The following ADAMTS20 variants were observed in gnomAD, a reference collection of about 807,000 sequenced individuals.
The protein encoded by ADAMTS20 is ADAM metallopeptidase with thrombospondin type 1 motif 20.
In ADAMTS20, 225 loss-of-function variants were observed where a neutral mutation model predicts 260.1. That is an observed-to-expected ratio of 0.87 (90% CI 0.78 to 0.97). The LOEUF (loss-of-function observed/expected upper bound fraction) is 0.97. Among genes scored for constraint, ADAMTS20 ranks in the 50% least tolerant of loss-of-function variants. The probability of loss-of-function intolerance (pLI) is 0.00; values close to 1 mark genes in which losing one functional copy is unlikely to be tolerated. For missense variants in ADAMTS20, 2,400 were observed against 2,337.7 expected, an observed-to-expected ratio of 1.03 and a Z score of -0.55; for synonymous variants, 802 against 769.5, an observed-to-expected ratio of 1.04 and a Z score of -0.70.
intron 16 of ADAMTS20, among the ~76,000 whole-genome samples, chr12:43,443,401 C>T (rs114033534): frequency 0.013 from 2,020 of 152,002 alleles, 50 homozygotes; most frequent in African/African-American, 0.047. Flanking sequence ...TATTTAAATA[C>T]TTTAGCTACA....
Position 43,453,789 on chromosome 12 carries a change from T to G in ADAMTS20, c.1760+118A>C. 2.6e-6 allele frequency: 3 copies of G among 1,149,350 alleles called. No homozygotes were observed. In the South Asian group the frequency reaches 4.8e-5, roughly 19 times the overall value. The allele number at this position is 1,149,350 out of a possible 1,614,324, so 71.2% of individuals were successfully genotyped here. On this transcript the variant is annotated intron_variant, in intron 12 of 38. Coordinates refer to ENST00000389420, the MANE Select transcript of ADAMTS20 (RefSeq NM_025003.5). ...AATGTGACTTAAAGTGCTCCAGAAA[T>G]TTTCTGAATCTCAGAAACTTACGGA...
chr12:43,382,963 AATACT>A (rs139660841), intron 31 of ADAMTS20, among the ~76,000 whole-genome samples: 3,410 of 152,284 alleles, frequency 0.022, 57 homozygotes, highest in East Asian at 0.085. Context: ...CAAATCTCAA[AATACT>A]TACATTACAG....
At chr12:43,369,269 A>T (rs774376135) in intron 37 of ADAMTS20, 21 bp downstream of exon 37, 3 of 1,422,010 alleles carry the variant, frequency 2.1e-6, no homozygotes, top group Non-Finnish European at 2.8e-6. Flanking sequence ...AAAGAAAATT[A>T]ATCAAACAAA....
chr12:43,471,873 A>C (rs1942269138), intron 7 of ADAMTS20, among the ~76,000 whole-genome samples: 1 of 129,424 alleles, frequency 7.7e-6, no homozygotes, highest in South Asian at 2.9e-4. Context: ...AGATAAAACC[A>C]CAAAGATGGG....
At chr12:43,395,836 A>G (rs1940690972) in intron 29 of ADAMTS20, among the ~76,000 whole-genome samples, 2 of 152,026 alleles carry the variant, frequency 1.3e-5, no homozygotes, top group Admixed American at 6.6e-5. Context: ...CAGGCTGTCC[A>G]GCAGGTTTGC....
intron 28 of ADAMTS20, among the ~76,000 whole-genome samples, chr12:43,414,702 TG>T (rs998247424): frequency 2.0e-5 from 3 of 152,106 alleles, no homozygotes; most frequent in Admixed American, 1.3e-4. Context: ...GACAAGGATT[TG>T]GGGCAACTGG....
intron 3 of ADAMTS20, among the ~76,000 whole-genome samples, chr12:43,509,358 T>A (rs2137460236): frequency 6.6e-6 from 1 of 152,148 alleles, no homozygotes; most frequent in Admixed American, 6.5e-5. Flanking sequence ...ATATTGATAA[T>A]GTTATCAATA....
intron 2 of ADAMTS20, among the ~76,000 whole-genome samples, chr12:43,538,669 C>T (rs1943330661): frequency 6.6e-6 from 1 of 152,116 alleles, no homozygotes; most frequent in South Asian, 2.1e-4. Context: ...TATTTTAAAT[C>T]ACTATTTTAA....
In ADAMTS20 at chr12:43,423,771, T is replaced by C. The variant is rs575775657; in HGVS notation, c.4284+1743A>G. The C allele has an allele frequency of 7.3e-5, 51 of 702,620 alleles. No individual in the cohort carries two copies. The African/African-American group carries it at 8.0e-4, about 11-fold the overall frequency. 43.5% of individuals were successfully genotyped at this position (702,620 alleles called of 1,614,324 possible). A position where few individuals can be genotyped will look rare whatever the true frequency, so the allele number is the denominator to read the frequency against. On this transcript the variant is annotated intron_variant, in intron 28 of 38. Coordinates refer to ENST00000389420, the MANE Select transcript of ADAMTS20 (RefSeq NM_025003.5). ...CATAGGGATAAGAAATATGTTTCAA[T>C]TGTCTCTGGATCACAGTGCCTAGGA...
At chr12:43,523,903 C>G (rs960668733) in intron 3 of ADAMTS20, among the ~76,000 whole-genome samples, 36 of 151,196 alleles carry the variant, frequency 2.4e-4, no homozygotes, top group Admixed American at 2.6e-4. Context: ...ACACAAAGGA[C>G]AGACACTTTG....
At chr12:43,531,013 A>C (rs546218167) in intron 3 of ADAMTS20, among the ~76,000 whole-genome samples, 1 of 152,068 alleles carries the variant, frequency 6.6e-6, no homozygotes, top group Non-Finnish European at 1.5e-5. Flanking sequence ...CAAAAACAGG[A>C]GATGGGGACA....
At position 43,381,294 on chromosome 12, in the gene ADAMTS20, TG is replaced by T. The variant is rs527904480; in HGVS notation, c.4797+2263del. 7.6e-4 allele frequency among the ~76,000 whole-genome samples: 116 copies of T among 152,236 alleles called. 1 individual carries two copies. Among genetic ancestry groups the T allele is most frequent in the African/African-American group, 2.7e-3 (114 of 41,554 alleles). On this transcript the variant is annotated intron_variant, in intron 31 of 38. Coordinates refer to ENST00000389420, the MANE Select transcript of ADAMTS20 (RefSeq NM_025003.5). ...ACATAGATATATATCTTTGTGAGCA[TG>T]AAGTAGGCAATAGTTTCTTAGATAT...
intron 3 of ADAMTS20, among the ~76,000 whole-genome samples, chr12:43,514,442 A>T (rs1942970068): frequency 1.3e-5 from 2 of 151,552 alleles, no homozygotes; most frequent in East Asian, 3.9e-4. Context: ...CGTGCCTGTA[A>T]TCCCAGTTAC....
At position 43,495,042 on chromosome 12, in the gene ADAMTS20, T is replaced by C. The variant is rs1942658029; in HGVS notation, c.868-1789A>G. Among the ~76,000 whole-genome samples the C allele has an allele frequency of 2.0e-5, 3 of 152,320 alleles. No homozygotes were observed. In the South Asian group the frequency reaches 6.2e-4, roughly 32 times the overall value. ...TCTACATGGCTAACTACTATATCCA[T>C]TGTCCCAAGTATTTTGACTATGAAT... On this transcript the variant is annotated intron_variant, in intron 4 of 38. Transcript: ENST00000389420.
Position 43,523,090 on chromosome 12 carries a change from G to T in ADAMTS20, c.613+8946C>A, listed in dbSNP as rs955973214. Among the ~76,000 whole-genome samples, 122 of 152,146 alleles carry T rather than the reference G, an allele frequency of 8.0e-4. 1 individual carries two copies. Among genetic ancestry groups the T allele is most frequent in the Non-Finnish European group, 1.2e-4 (8 of 68,028 alleles). ...GGATTCTCTGGGGAACCTCCTGAAG[G>T]TTCATCCATTAGAATATATAAGACC... is the stretch of plus-strand genomic sequence containing the variant. On this transcript the variant is annotated intron_variant, in intron 3 of 38. Transcript: ENST00000389420.
At chr12:43,473,514 C>A (rs1214113209) in intron 7 of ADAMTS20, among the ~76,000 whole-genome samples, 2 of 18,046 alleles carry the variant, frequency 1.1e-4, no homozygotes, top group African/African-American at 5.2e-4. Flanking sequence ...AACTCTCCAC[C>A]CCAAATCAAC....
chr12:43,499,356 C>T (rs149544513), intron 4 of ADAMTS20, among the ~76,000 whole-genome samples: 24 of 152,288 alleles, frequency 1.6e-4, no homozygotes, highest in African/African-American at 5.5e-4. Flanking sequence ...ATCTCAGATG[C>T]AGATTTGCTT....
At chr12:43,356,735 A>G in intron 37 of ADAMTS20, 147 bp from the exon 38 acceptor site, 1 of 559,522 alleles carries the variant, frequency 1.8e-6, no homozygotes, top group African/African-American at 1.9e-5. Flanking sequence ...CTAGGACTCT[A>G]TGATTCGACA....
Position 43,373,811 on chromosome 12 carries a change from C to G in ADAMTS20, c.5446+1568G>C, listed in dbSNP as rs1160545716. Among the ~76,000 whole-genome samples, 15 of 149,344 alleles carry G rather than the reference C, an allele frequency of 1.0e-4. No homozygotes were observed. The East Asian group carries it at 2.6e-3, about 26-fold the overall frequency. On this transcript the variant is annotated intron_variant, in intron 36 of 38. Transcript: ENST00000389420. ...TCTCCTGCCTCAGCCTCCCAAGTAG[C>G]TGGGACTACAGGCGCCCGCCACTAC...
Sources: allele counts gnomAD v4.1 joint callset (sites outside exome capture counted in the v4.1 genomes callset), GRCh38; gene constraint gnomAD v4.1.1; transcripts MANE v1.5; gene names NCBI Gene and HGNC (gene_info 2026-07-23, HGNC 2026-07-21).